The following CACNA1A variants were observed in gnomAD, a reference collection of about 807,000 sequenced individuals.
CACNA1A encodes calcium voltage-gated channel subunit alpha1 A.
In CACNA1A, 57 loss-of-function variants were observed where a neutral mutation model predicts 262.4. That is an observed-to-expected ratio of 0.22 (90% CI 0.18 to 0.27). The LOEUF (loss-of-function observed/expected upper bound fraction) is 0.27, where lower values mean the gene tolerates loss of function less well. Ranked by LOEUF, CACNA1A falls within the 10% of genes least tolerant of loss-of-function variation. CACNA1A has a pLI of 1.00. For missense variants in CACNA1A, 2,526 were observed against 3,562.8 expected, an observed-to-expected ratio of 0.71 and a Z score of 7.41; for synonymous variants, 1,431 against 1,419.3, an observed-to-expected ratio of 1.01 and a Z score of -0.18.
At chr19:13,215,290 C>T (rs113122869) in intron 38 of CACNA1A, 8,475 of 144,130 alleles carry the variant, frequency 0.059, 356 homozygotes, top group Non-Finnish European at 0.088. Flanking sequence ...GGATTACAGG[C>T]GTAAGCCACC....
At chr19:13,314,208 G>A (rs1386168774) in intron 11 of CACNA1A, among the ~76,000 whole-genome samples, 1 of 152,116 alleles carries the variant, frequency 6.6e-6, no homozygotes, top group Non-Finnish European at 1.5e-5. Flanking sequence ...GAGATGAGGA[G>A]GGTTTCTGAG....
rs1740540728 is a variant in CACNA1A, at chr19:13,212,292, G to A, written c.6190-76C>T. ...TCCCTGGTGTCTGCAGAGGGAGGGA[G>A]CTGCAGGTGTGTGTGTGTGGGGGGC... On this transcript the variant is annotated intron_variant, in intron 42 of 46. Transcript: ENST00000360228. This position sits in a 1 kb window ranked among gnomAD's most constrained non-coding sequence, Gnocchi z 5.6. The A allele has an allele frequency of 6.4e-7, 1 of 1,561,922 alleles. No homozygotes were observed. The highest frequency in any genetic ancestry group is 8.8e-7 in the Non-Finnish European group (1 of 1,135,444).
intron 1 of CACNA1A, among the ~76,000 whole-genome samples, chr19:13,504,813 C>T (rs1440421391): frequency 6.6e-6 from 1 of 152,148 alleles, no homozygotes; most frequent in Non-Finnish European, 1.5e-5. Context: ...TAATTACCCA[C>T]CCTTGCCTGC....
chr19:13,312,531 G>A (rs978138043), intron 12 of CACNA1A, 138 bp downstream of exon 12: 2 of 599,100 alleles, frequency 3.3e-6, no homozygotes, highest in Admixed American at 3.9e-5. Flanking sequence ...GTTTGGGATT[G>A]TTTTCTCATT....
intron 46 of CACNA1A, among the ~76,000 whole-genome samples, chr19:13,208,318 A>AGAGAAAT (rs1021311273): frequency 1.3e-5 from 2 of 151,990 alleles, no homozygotes; most frequent in African/African-American, 4.8e-5. Context: ...CAAAGTGAAA[A>AGAGAAAT]GAGAAATGAG....
intron 38 of CACNA1A, among the ~76,000 whole-genome samples, chr19:13,221,701 T>G (rs996946088): frequency 2.6e-5 from 4 of 152,096 alleles, no homozygotes; most frequent in Non-Finnish European, 5.9e-5. Context: ...TCACTTGTGA[T>G]CCTTGTCATC....
intron 38 of CACNA1A, among the ~76,000 whole-genome samples, chr19:13,218,863 G>T (rs1487108792): frequency 6.6e-6 from 1 of 151,792 alleles, no homozygotes; most frequent in Non-Finnish European, 1.5e-5. Flanking sequence ...TCAGCCTCCT[G>T]AGTAGTTGGG....
At chr19:13,497,928 A>G (rs1217177366) in intron 1 of CACNA1A, among the ~76,000 whole-genome samples, 1 of 151,884 alleles carries the variant, frequency 6.6e-6, no homozygotes, top group Admixed American at 6.6e-5. Flanking sequence ...ATTTGCAGCC[A>G]GGGTGGACTG....
At chr19:13,239,948 C>G (rs902164261) in intron 31 of CACNA1A, among the ~76,000 whole-genome samples, 2 of 151,620 alleles carry the variant, frequency 1.3e-5, no homozygotes, top group African/African-American at 4.9e-5. Flanking sequence ...GTCAGGAGTT[C>G]GAGACCAGCC....
At chr19:13,449,493 T>TAG (rs1244159636) in intron 3 of CACNA1A, among the ~76,000 whole-genome samples, 2 of 152,086 alleles carry the variant, frequency 1.3e-5, no homozygotes, top group Admixed American at 6.6e-5. Context: ...TTTCATTTTG[T>TAG]AGAGACAGGG....
chr19:13,255,655 T>A (rs1317008715), intron 28 of CACNA1A, among the ~76,000 whole-genome samples: 4 of 148,554 alleles, frequency 2.7e-5, no homozygotes, highest in African/African-American at 1.0e-4. Flanking sequence ...CTTCTTCCCC[T>A]TCCTCCCTCC....
At chr19:13,348,090 A>C (rs761785170) in intron 6 of CACNA1A, among the ~76,000 whole-genome samples, 36 of 151,654 alleles carry the variant, frequency 2.4e-4, no homozygotes, top group Non-Finnish European at 4.1e-4. Context: ...CCAGCTAATT[A>C]ATTATTTTTC....
chr19:13,351,066 A>G (rs2058899212), intron 6 of CACNA1A, among the ~76,000 whole-genome samples: 2 of 152,312 alleles, frequency 1.3e-5, no homozygotes, highest in South Asian at 4.1e-4. Context: ...CATAATATCC[A>G]CATCCCTGGG....
intron 9 of CACNA1A, among the ~76,000 whole-genome samples, chr19:13,331,626 T>C (rs1008353714): frequency 5.9e-5 from 9 of 152,206 alleles, no homozygotes; most frequent in African/African-American, 1.9e-4. Flanking sequence ...TTCTTATTGC[T>C]GTTATTATTA....
intron 40 of CACNA1A, among the ~76,000 whole-genome samples, chr19:13,213,399 C>G (rs2082420): frequency 0.17 from 26,332 of 152,130 alleles, 2,640 homozygotes; most frequent in Non-Finnish European, 0.22. Flanking sequence ...ATCCCCTCCT[C>G]CCCTGGATAC....
intron 6 of CACNA1A, among the ~76,000 whole-genome samples, chr19:13,348,389 G>C (rs964911380): frequency 4.0e-5 from 6 of 150,698 alleles, no homozygotes; most frequent in African/African-American, 1.2e-4. Context: ...AGAAGGAAGA[G>C]AGAGAGAGAA....
intron 1 of CACNA1A, among the ~76,000 whole-genome samples, chr19:13,502,847 A>G (rs2900966): frequency 0.72 from 110,165 of 152,000 alleles, 40,931 homozygotes; most frequent in African/African-American, 0.9. Flanking sequence ...GTACCATGCC[A>G]GAATTTACAT....
intron 6 of CACNA1A, among the ~76,000 whole-genome samples, chr19:13,344,730 C>CATTT (rs77276447): frequency 0.12 from 14,751 of 119,772 alleles, 803 homozygotes; most frequent in East Asian, 0.23. Context: ...GTTGGTGGAT[C>CATTT]ATTTATTTTA....
chr19:13,410,311 C>T (rs774484283), intron 3 of CACNA1A, among the ~76,000 whole-genome samples: 1 of 151,786 alleles, frequency 6.6e-6, no homozygotes, highest in African/African-American at 2.4e-5. Context: ...ACTGCAGCCT[C>T]GACCTCCCAG....
Sources: allele counts gnomAD v4.1 joint callset (sites outside exome capture counted in the v4.1 genomes callset), GRCh38; gene constraint gnomAD v4.1.1; non-coding constraint Gnocchi (gnomAD v3.1); transcripts MANE v1.5; gene names NCBI Gene and HGNC (gene_info 2026-07-23, HGNC 2026-07-21).